The following SCNN1B variants were observed in gnomAD, a reference collection of about 807,000 sequenced individuals.
SCNN1B encodes the protein sodium channel epithelial 1 subunit beta.
Under a neutral mutation model 65.3 loss-of-function variants are expected in SCNN1B, and 46 were observed. The ratio of observed to expected loss-of-function variants is 0.70; its 90% CI spans 0.56 to 0.90. The LOEUF (loss-of-function observed/expected upper bound fraction) is 0.90, where lower values mean the gene tolerates loss of function less well. Ranked by LOEUF, SCNN1B falls within the 40% of genes least tolerant of loss-of-function variation. SCNN1B has a pLI of 0.00. For synonymous variants in SCNN1B, 349 were observed against 330.6 expected (o/e 1.06, Z -0.60); for missense variants, 751 against 830.5 (o/e 0.90, Z 1.18).
chr16:23,359,389 T>TCCCAAGCCTATTTCCCCAG (rs1962488177), intron 4 of SCNN1B: 2 of 152,254 alleles, frequency 1.3e-5, no homozygotes, highest in Non-Finnish European at 2.9e-5. Flanking sequence ...TACCCACCTC[T>TCCCAAGCCTATTTCCCCAG]CCCAAGCCTA....
At chr16:23,360,619 G>A (rs1281119196) in intron 4 of SCNN1B, among the ~76,000 whole-genome samples, 19 of 125,528 alleles carry the variant, frequency 1.5e-4, no homozygotes, top group Admixed American at 7.8e-4. Context: ...TTTTTGAGAC[G>A]GAGTTTTGTT....
chr16:23,309,553 A>C (rs1261320179), intron 1 of SCNN1B, among the ~76,000 whole-genome samples: 2 of 152,252 alleles, frequency 1.3e-5, no homozygotes, highest in African/African-American at 4.8e-5. Context: ...GCCCCAAAAC[A>C]GAAGAACTTG....
Position 23,371,901 on chromosome 16 carries a change from G to A in SCNN1B, c.1152+18G>A, listed in dbSNP as rs1962794131. The A allele has an allele frequency of 3.2e-6, 5 of 1,574,794 alleles. No individual in the cohort carries two copies. Among genetic ancestry groups the A allele is most frequent in the African/African-American group, 1.3e-5 (1 of 74,162 alleles). The stretch of plus-strand genomic sequence containing the variant: ...CCATCCAGGTGGGAAGGTGGTGCAC[G>A]CCTCATGCCCCGGGGCCCCTGTCCG... On this transcript the variant is annotated intron_variant, in intron 7 of 12. Transcript: ENST00000343070.
intron 1 of SCNN1B, among the ~76,000 whole-genome samples, chr16:23,309,330 C>A (rs955369314): frequency 6.6e-6 from 1 of 152,044 alleles, no homozygotes; most frequent in Non-Finnish European, 1.5e-5. Flanking sequence ...GCTCCCACCC[C>A]ACTATAACTG....
At chr16:23,287,295 G>A (rs945589797) in intron 2 of SCNN1B, among the ~76,000 whole-genome samples, 5 of 151,868 alleles carry the variant, frequency 3.3e-5, no homozygotes, top group African/African-American at 4.8e-5. Context: ...ATGAGCCACC[G>A]TGCCCTGCCA....
chr16:23,343,258 G>T (rs527266215), intron 1 of SCNN1B, among the ~76,000 whole-genome samples: 20 of 149,662 alleles, frequency 1.3e-4, no homozygotes, highest in Non-Finnish European at 2.1e-4. Flanking sequence ...ATCGAGACCA[G>T]CCTGACCAAC....
At chr16:23,367,327 T>G (rs546813640) in intron 4 of SCNN1B, among the ~76,000 whole-genome samples, 1 of 152,304 alleles carries the variant, frequency 6.6e-6, no homozygotes, top group Non-Finnish European at 1.5e-5. Context: ...AGACAGGGTC[T>G]CACTCTGTCA....
intron 1 of SCNN1B, among the ~76,000 whole-genome samples, chr16:23,334,343 T>C (rs1961891463): frequency 6.6e-6 from 1 of 152,236 alleles, no homozygotes; most frequent in Non-Finnish European, 1.5e-5. Flanking sequence ...GAATGAGTGA[T>C]AAAGTGTTTC....
chr16:23,380,563 T>G lies in SCNN1B; in HGVS notation c.1685T>G (p.Leu562Arg). The change falls in exon 13 of 13, where the codon CTA becomes CGA. Residue 562 changes from leucine (L) to arginine (R), a missense_variant. Transcript: ENST00000343070. This position sits in a 1 kb window ranked among gnomAD's most constrained non-coding sequence, Gnocchi z 5.4. ...IIKLVALAKS[L>R]RQRRAQASYA... ...AAGCTGGTGGCCTTGGCCAAGAGCCTACGGCAGCGGCGAGCCCAAGCCAGC... is the reference window on the plus strand; with the variant it reads ...AAGCTGGTGGCCTTGGCCAAGAGCCGACGGCAGCGGCGAGCCCAAGCCAGC... The G allele has an allele frequency of 6.2e-7, 1 of 1,614,230 alleles. No individual in the cohort carries two copies. The highest frequency in any genetic ancestry group is 8.5e-7 in the Non-Finnish European group (1 of 1,180,034).
At chr16:23,305,237 A>G (rs935409610) in intron 1 of SCNN1B, among the ~76,000 whole-genome samples, 3 of 152,052 alleles carry the variant, frequency 2.0e-5, no homozygotes, top group African/African-American at 7.2e-5. Context: ...CCTTTGGAAT[A>G]CAAGAGATAG....
rs1338496097 is a variant in SCNN1B, at chr16:23,380,106, C to G, written c.1479C>G (p.Val493=). ...TNITLSRKGI[V]KLNIYFQEFN... ...CTGCCTCCTGCAGGAAGGGAATTGTCAAGCTCAACATCTACTTCCAAGAAT... is the reference window on the plus strand; with the variant it reads ...CTGCCTCCTGCAGGAAGGGAATTGTGAAGCTCAACATCTACTTCCAAGAAT... Residue 493 remains valine, a synonymous_variant, in exon 12 of 13, where the codon GTC becomes GTG. Transcript: ENST00000343070. This position sits in a 1 kb window ranked among gnomAD's most constrained non-coding sequence, Gnocchi z 5.4. The G allele has an allele frequency of 5.6e-6, 9 of 1,613,886 alleles. No homozygotes were observed. The highest frequency in any genetic ancestry group is 7.6e-6 in the Non-Finnish European group (9 of 1,179,932).
chr16:23,317,587 C>T (rs558989486), intron 1 of SCNN1B, among the ~76,000 whole-genome samples: 198 of 152,310 alleles, frequency 1.3e-3, no homozygotes, highest in Middle Eastern at 6.8e-3. Flanking sequence ...GAGCAGGATC[C>T]TTTTCCAGGC....
At chr16:23,336,560 C>T (rs9925335) in intron 1 of SCNN1B, among the ~76,000 whole-genome samples, 13,065 of 151,864 alleles carry the variant, frequency 0.086, 1,491 homozygotes, top group African/African-American at 0.25. Flanking sequence ...TTAGTAGAGA[C>T]GGGGTTTCAC....
rs756701178 is a variant in SCNN1B at position 23,343,671 on chromosome 16, G to GGAAGA, written c.-8-4921_-8-4920insGAAGA. 1.4e-3 allele frequency among the ~76,000 whole-genome samples: 195 copies of GGAAGA among 135,292 alleles called. 5 individuals carry two copies. Among genetic ancestry groups the GGAAGA allele is most frequent in the African/African-American group, 4.2e-3 (153 of 36,812 alleles). The allele number at this position is 135,292 out of a possible 152,430, so 88.8% of individuals were successfully genotyped here. On this transcript the variant is annotated intron_variant, in intron 1 of 12. Transcript: ENST00000343070. ...AGAAAAAAAGAAAGGAAGGAAGGAA[G>GGAAGA]AAAAAAAAAAGCCGAAACACTTTTC...
intron 1 of SCNN1B, among the ~76,000 whole-genome samples, chr16:23,346,200 CTTTTTTTTTTTT>C (rs753802362): frequency 0.011 from 859 of 78,024 alleles, 21 homozygotes; most frequent in African/African-American, 0.044. Context: ...TTTTCCTTTT[CTTTTTTTTTTTT>C]TTTTTTTTTT....
At chr16:23,299,666 G>A (rs1409849047), upstream of SCNN1B, among the ~76,000 whole-genome samples, 2 of 152,160 alleles carry the variant, frequency 1.3e-5, no homozygotes, top group African/African-American at 4.8e-5. Context: ...AGTTAGAATG[G>A]CAATCATTAA....
At chr16:23,304,236 C>G (rs553840966) in intron 1 of SCNN1B, 1 of 683,512 alleles carries the variant, frequency 1.5e-6, no homozygotes, top group Non-Finnish European at 2.5e-6. Context: ...TGCTCACATA[C>G]GGACCCATGA....
chr16:23,350,154 T>G (rs1176572281), intron 2 of SCNN1B, among the ~76,000 whole-genome samples: 1 of 152,212 alleles, frequency 6.6e-6, no homozygotes, highest in Non-Finnish European at 1.5e-5. Context: ...TTCAGTGTTC[T>G]TTGGATAATT....
chr16:23,373,689 G>A (rs1372057189), intron 7 of SCNN1B, among the ~76,000 whole-genome samples: 3 of 152,212 alleles, frequency 2.0e-5, no homozygotes, highest in Non-Finnish European at 4.4e-5. Flanking sequence ...CCCGAGCATG[G>A]CATGGTTTGC....
Sources: gnomAD v4.1 joint callset for allele counts (sites outside exome capture counted in the v4.1 genomes callset) on GRCh38, gnomAD v4.1.1 for gene constraint, Gnocchi (gnomAD v3.1) non-coding constraint, MANE v1.5 for transcripts, NCBI Gene and HGNC (gene_info 2026-07-23, HGNC 2026-07-21) for gene names.